CNTN5: variants seen among roughly 807,000 people sequenced by gnomAD.
CNTN5 encodes the protein contactin-5.
A neutral mutation model predicts 129.1 loss-of-function variants in CNTN5; 77 were observed. That is an observed-to-expected ratio of 0.60 (90% CI 0.50 to 0.72). The LOEUF (loss-of-function observed/expected upper bound fraction) is 0.72. Ranked by LOEUF, CNTN5 falls within the 30% of genes least tolerant of loss-of-function variation. CNTN5 has a pLI of 0.00. For missense variants in CNTN5, 1,478 were observed against 1,328.8 expected (o/e 1.11, Z -1.75); for synonymous variants, 509 against 465.6 (o/e 1.09, Z -1.20).
At chr11:99,230,937 G>A (rs1860961478) in intron 1 of CNTN5, among the ~76,000 whole-genome samples, 1 of 152,126 alleles carries the variant, frequency 6.6e-6, no homozygotes, top group African/African-American at 2.4e-5. Flanking sequence ...AGTTTGCTGA[G>A]GATAGTGGCT....
chr11:99,443,459 A>T (rs546082486), intron 2 of CNTN5, among the ~76,000 whole-genome samples: 109 of 152,324 alleles, frequency 7.2e-4, no homozygotes, highest in African/African-American at 2.5e-3. Flanking sequence ...TGGTGTTTTG[A>T]CAAAACGTTG....
intron 2 of CNTN5, among the ~76,000 whole-genome samples, chr11:99,328,700 G>C: frequency 6.6e-6 from 1 of 151,502 alleles, no homozygotes; most frequent in Non-Finnish European, 1.5e-5. Flanking sequence ...GAGAAACCCC[G>C]TCTCTACTAA....
intron 1 of CNTN5, among the ~76,000 whole-genome samples, chr11:99,035,099 C>T (rs1863642141): frequency 6.6e-6 from 1 of 150,668 alleles, no homozygotes; most frequent in Non-Finnish European, 1.5e-5. Context: ...ATTCTTAATC[C>T]TGAGTTCTAG....
intron 3 of CNTN5, among the ~76,000 whole-genome samples, chr11:99,732,269 T>C (rs1943560167): frequency 7.3e-6 from 1 of 136,238 alleles, no homozygotes; most frequent in Non-Finnish European, 1.5e-5. Flanking sequence ...GTAATAGAGT[T>C]AGTGAGCTGG....
At chr11:99,486,298 T>C (rs1945808925) in intron 2 of CNTN5, among the ~76,000 whole-genome samples, 1 of 152,120 alleles carries the variant, frequency 6.6e-6, no homozygotes, top group South Asian at 2.1e-4. Flanking sequence ...ATATTTCCAT[T>C]ATGCATTATA....
chr11:99,538,232 T>C (rs1947971272), intron 2 of CNTN5, among the ~76,000 whole-genome samples: 1 of 152,180 alleles, frequency 6.6e-6, no homozygotes, highest in African/African-American at 2.4e-5. Context: ...TGTCCTGATC[T>C]CTCTGACATT....
chr11:99,797,440 A>G (rs1945980727), intron 3 of CNTN5, among the ~76,000 whole-genome samples: 1 of 152,106 alleles, frequency 6.6e-6, no homozygotes, highest in South Asian at 2.1e-4. Context: ...ACGTTAAGAA[A>G]TCACTTTTTT....
intron 6 of CNTN5, among the ~76,000 whole-genome samples, 171 bp from the exon 7 acceptor site, chr11:99,915,883 G>T (rs1949775938): frequency 1.3e-5 from 2 of 152,228 alleles, no homozygotes; most frequent in South Asian, 4.1e-4. Context: ...TATTTCCATT[G>T]TGGTATTTAA....
At chr11:99,264,566 C>T (rs1280555811) in intron 1 of CNTN5, among the ~76,000 whole-genome samples, 2 of 152,000 alleles carry the variant, frequency 1.3e-5, no homozygotes, top group Non-Finnish European at 2.9e-5. Flanking sequence ...GCTTACTCCA[C>T]AGTGATGCAA....
chr11:99,229,095 C>T (rs879501896), intron 1 of CNTN5, among the ~76,000 whole-genome samples: 3 of 151,896 alleles, frequency 2.0e-5, no homozygotes, highest in African/African-American at 4.8e-5. Context: ...GTTAATTTGT[C>T]GTTCTTCCAC....
chr11:99,042,500 C>T (rs1030178378), intron 1 of CNTN5, among the ~76,000 whole-genome samples: 4 of 151,176 alleles, frequency 2.6e-5, no homozygotes, highest in East Asian at 2.0e-4. Context: ...CTCAGCCTCC[C>T]GAGTAGCTGG....
chr11:99,788,845 CG>C (rs879387061), intron 3 of CNTN5, among the ~76,000 whole-genome samples: 1 of 151,722 alleles, frequency 6.6e-6, no homozygotes, highest in Non-Finnish European at 1.5e-5. Flanking sequence ...ATTTTATATA[CG>C]GGGAATGCTT....
At position 99,521,009 on chromosome 11, in the gene CNTN5, C is replaced by T. The variant is rs543486811; in HGVS notation, c.-70-35136C>T. 7.4e-4 allele frequency among the ~76,000 whole-genome samples: 113 copies of T among 152,174 alleles called. 1 individual carries two copies. Among genetic ancestry groups the T allele is most frequent in the African/African-American group, 2.7e-3 (112 of 41,538 alleles). On this transcript the variant is annotated intron_variant, in intron 2 of 24. Coordinates refer to ENST00000524871, the MANE Select transcript of CNTN5 (RefSeq NM_014361.4). Reference sequence around the variant, plus strand: ...TATAGCTCCTTCAGATTAATTATATCCTTTAAATCTCATCACAACCAAAGA... The same window carrying T: ...TATAGCTCCTTCAGATTAATTATATTCTTTAAATCTCATCACAACCAAAGA...
At position 99,231,726 on chromosome 11, in the gene CNTN5, G is replaced by A. The variant is rs188237534; in HGVS notation, c.-209-93620G>A. Among the ~76,000 whole-genome samples the A allele has an allele frequency of 1.2e-4, 19 of 152,110 alleles. No homozygotes were observed. In the East Asian group the frequency reaches 3.3e-3, roughly 26 times the overall value. On this transcript the variant is annotated intron_variant, in intron 1 of 24. Coordinates refer to ENST00000524871, the MANE Select transcript of CNTN5 (RefSeq NM_014361.4). ...TTTTTGTCATGAAATCTTTGCCTGT[G>A]CCTATGTCCTGATTAGTATTGCGTA...
intron 6 of CNTN5, among the ~76,000 whole-genome samples, chr11:99,908,817 T>C (rs1228594233): frequency 6.6e-6 from 1 of 152,144 alleles, no homozygotes; most frequent in African/African-American, 2.4e-5. Flanking sequence ...GTTTCACTTA[T>C]GATGTAATTA....
At chr11:99,548,994 T>C (rs2135516886) in intron 2 of CNTN5, among the ~76,000 whole-genome samples, 1 of 152,262 alleles carries the variant, frequency 6.6e-6, no homozygotes, top group South Asian at 2.1e-4. Context: ...TTCACTATCA[T>C]TGTGTTTCTT....
intron 1 of CNTN5, among the ~76,000 whole-genome samples, chr11:99,029,960 A>C (rs1477954477): frequency 6.6e-6 from 1 of 152,184 alleles, no homozygotes; most frequent in Non-Finnish European, 1.5e-5. Context: ...TTTGACAAAG[A>C]GAAGAATGGA....
chr11:100,148,158 C>CTTTG (rs2138291223), intron 13 of CNTN5, among the ~76,000 whole-genome samples: 1 of 152,130 alleles, frequency 6.6e-6, no homozygotes, highest in African/African-American at 2.4e-5. Context: ...TAACTCATTC[C>CTTTG]TTTGTTTTTA....
chr11:100,312,420 G>A (rs1358871654), intron 21 of CNTN5, among the ~76,000 whole-genome samples: 2 of 151,810 alleles, frequency 1.3e-5, no homozygotes, highest in African/African-American at 2.4e-5. Context: ...AACACATCTG[G>A]AACTTACTGC....
Sources: gnomAD v4.1 joint callset for allele counts (sites outside exome capture counted in the v4.1 genomes callset) on GRCh38, gnomAD v4.1.1 for gene constraint, MANE v1.5 for transcripts, NCBI Gene and HGNC (gene_info 2026-07-23, HGNC 2026-07-21) for gene names.